CATSPERB: variants seen among roughly 807,000 people sequenced by gnomAD.
CATSPERB encodes catsper channel auxiliary subunit beta.
A neutral mutation model predicts 128.3 loss-of-function variants in CATSPERB; 93 were observed. The observed-to-expected ratio is 0.72, with a 90% CI of 0.61 to 0.86. The LOEUF is 0.86. Among genes scored for constraint, CATSPERB ranks in the 40% least tolerant of loss-of-function variants. The pLI is 0.00. For missense variants in CATSPERB, 1,153 were observed against 1,329.5 expected, an observed-to-expected ratio of 0.87 and a Z score of 2.06; for synonymous variants, 381 against 448.8, an observed-to-expected ratio of 0.85 and a Z score of 1.91.
chr14:91,654,496 G>A (rs1484011821), intron 15 of CATSPERB, among the ~76,000 whole-genome samples: 1 of 152,200 alleles, frequency 6.6e-6, no homozygotes, highest in Non-Finnish European at 1.5e-5. Context: ...TGGGGTGGTG[G>A]TGGCCATGGA....
intron 19 of CATSPERB, among the ~76,000 whole-genome samples, chr14:91,618,146 C>A: frequency 1.3e-5 from 2 of 152,192 alleles, no homozygotes; most frequent in African/African-American, 4.8e-5. Context: ...AGGGTAACTT[C>A]CTGATGTTGC....
At chr14:91,605,889 A>C (rs1893692199) in intron 22 of CATSPERB, among the ~76,000 whole-genome samples, 1 of 152,182 alleles carries the variant, frequency 6.6e-6, no homozygotes, top group Non-Finnish European at 1.5e-5. Context: ...TAAAATGCAG[A>C]TTTCAGCTGG....
chr14:91,650,298 A>G (rs917974883), intron 15 of CATSPERB, among the ~76,000 whole-genome samples: 10 of 78,684 alleles, frequency 1.3e-4, no homozygotes, highest in Admixed American at 6.7e-4. Flanking sequence ...TTTCAAACAA[A>G]GTTATTGTGT....
chr14:91,627,833 C>G (rs565133352), intron 17 of CATSPERB, among the ~76,000 whole-genome samples: 3 of 152,020 alleles, frequency 2.0e-5, no homozygotes, highest in Admixed American at 2.0e-4. Flanking sequence ...AATAAACTAG[C>G]TGGGTGTGGT....
At chr14:91,658,878 A>C (rs893596181) in intron 15 of CATSPERB, among the ~76,000 whole-genome samples, 1 of 150,824 alleles carries the variant, frequency 6.6e-6, no homozygotes, top group Non-Finnish European at 1.5e-5. Flanking sequence ...AGACTCAATA[A>C]TAGAAAGACA....
At position 91,636,369 on chromosome 14, in the gene CATSPERB, T is replaced by C. The variant is rs1286508966; in HGVS notation, c.1742+56A>G. 1.0e-5 allele frequency: 16 copies of C among 1,557,764 alleles called. No individual in the cohort carries two copies. The Admixed American group carries it at 2.8e-4, about 27-fold the overall frequency. Reference sequence around the variant, plus strand: ...CAGAGCAAGACCCTATCTCAAAAAATTTAAAAAGTAGATTCTAGAAACCAA... The same window carrying C: ...CAGAGCAAGACCCTATCTCAAAAAACTTAAAAAGTAGATTCTAGAAACCAA... On this transcript the variant is annotated intron_variant, in intron 17 of 26. Coordinates refer to ENST00000256343, the MANE Select transcript of CATSPERB (RefSeq NM_024764.4).
At chr14:91,592,864 C>T (rs766099284) in intron 22 of CATSPERB, among the ~76,000 whole-genome samples, 5 of 152,184 alleles carry the variant, frequency 3.3e-5, no homozygotes, top group Non-Finnish European at 5.9e-5. Context: ...GGCAGCCCCT[C>T]CCATCAAAGG....
chr14:91,592,439 T>G (rs1893425811), intron 22 of CATSPERB: 1 of 173,844 alleles, frequency 5.8e-6, no homozygotes, highest in Non-Finnish European at 1.2e-5. Context: ...TGTTGATATT[T>G]TAAATCTCCA....
At chr14:91,691,960 C>T (rs562090778) in intron 9 of CATSPERB, among the ~76,000 whole-genome samples, 59 of 152,172 alleles carry the variant, frequency 3.9e-4, no homozygotes, top group African/African-American at 1.3e-3. Context: ...AGGCGGATCA[C>T]GAGGTCAGGA....
intron 10 of CATSPERB, among the ~76,000 whole-genome samples, chr14:91,685,826 G>C (rs1398330814): frequency 1.3e-5 from 2 of 152,212 alleles, no homozygotes; most frequent in Admixed American, 1.3e-4. Context: ...GATGGCTGCA[G>C]TAGGGGCAGG....
At position 91,597,544 on chromosome 14, in the gene CATSPERB, G is replaced by C. The variant is rs1893528711; in HGVS notation, c.2710-5542C>G. On this transcript the variant is annotated intron_variant, in intron 22 of 26. Coordinates refer to ENST00000256343, the MANE Select transcript of CATSPERB (RefSeq NM_024764.4). ...AAGAAAACCTTGTTAATCTGACATAGGGATCCATATACTGGTTTTGCATCA... is the reference window on the plus strand; with the variant it reads ...AAGAAAACCTTGTTAATCTGACATACGGATCCATATACTGGTTTTGCATCA... Among the ~76,000 whole-genome samples, 7 of 152,062 alleles carry C rather than the reference G, an allele frequency of 4.6e-5. No individual in the cohort carries two copies. In the South Asian group the frequency reaches 1.4e-3, roughly 31 times the overall value.
chr14:91,681,394 A>G (rs1318817847), intron 11 of CATSPERB, among the ~76,000 whole-genome samples: 2 of 152,194 alleles, frequency 1.3e-5, no homozygotes, highest in Non-Finnish European at 2.9e-5. Flanking sequence ...AAAACTAAAG[A>G]GAGAAGCCAC....
At chr14:91,727,000 G>A (rs1253772387) in intron 2 of CATSPERB, among the ~76,000 whole-genome samples, 1 of 152,148 alleles carries the variant, frequency 6.6e-6, no homozygotes, top group Admixed American at 6.5e-5. Context: ...CACCAGCACA[G>A]GCCCAGATAG....
intron 5 of CATSPERB, chr14:91,709,467 T>G (rs947421566): frequency 7.7e-5 from 11 of 143,766 alleles, no homozygotes; most frequent in African/African-American, 2.9e-4. Context: ...GATCATGAGG[T>G]CAGGAGATCG....
chr14:91,619,277 T>C lies in CATSPERB; in HGVS notation c.2261-1541A>G, dbSNP rs183767610. On this transcript the variant is annotated intron_variant, in intron 19 of 26. Transcript: ENST00000256343. ...TAATATTGGAACAACTAGCTAACCATACATAATATACCAAAATAAAATAGA... is the reference window on the plus strand; with the variant it reads ...TAATATTGGAACAACTAGCTAACCACACATAATATACCAAAATAAAATAGA... 1.2e-4 allele frequency among the ~76,000 whole-genome samples: 18 copies of C among 152,108 alleles called. No individual in the cohort carries two copies. In the East Asian group the frequency reaches 3.3e-3, roughly 28 times the overall value.
chr14:91,663,243 A>C (rs1704685), intron 14 of CATSPERB, among the ~76,000 whole-genome samples: 119,289 of 152,108 alleles, frequency 0.78, 46,995 homozygotes, highest in East Asian at 0.92. Context: ...TACAGGTGAG[A>C]TTTTGGCCCA....
At chr14:91,674,069 G>A (rs1379065815) in intron 12 of CATSPERB, 107 bp downstream of exon 12, 1 of 653,524 alleles carries the variant, frequency 1.5e-6, no homozygotes, top group Non-Finnish European at 2.7e-6. Context: ...GAGTGATTGT[G>A]AAGCCTTTCA....
At chr14:91,692,027 AT>A (rs1895480385) in intron 9 of CATSPERB, among the ~76,000 whole-genome samples, 1 of 152,072 alleles carries the variant, frequency 6.6e-6, no homozygotes, top group Admixed American at 6.5e-5. Context: ...AAATACAAAA[AT>A]TAACTGGGCG....
At chr14:91,582,730 C>T (rs1428248295) in intron 26 of CATSPERB, among the ~76,000 whole-genome samples, 1 of 152,242 alleles carries the variant, frequency 6.6e-6, no homozygotes, top group Non-Finnish European at 1.5e-5. Context: ...CTCAGCCACA[C>T]TGGCAAAGAA....
Sources: gnomAD v4.1 joint callset for allele counts (sites outside exome capture counted in the v4.1 genomes callset) on GRCh38, gnomAD v4.1.1 for gene constraint, MANE v1.5 for transcripts, NCBI Gene and HGNC (gene_info 2026-07-23, HGNC 2026-07-21) for gene names.